SUGCT: variants seen among roughly 807,000 people sequenced by gnomAD.
The protein encoded by SUGCT is succinyl-CoA:glutarate CoA-transferase.
A neutral mutation model predicts 55.0 loss-of-function variants in SUGCT; 41 were observed. The observed-to-expected ratio is 0.74, with a 90% CI of 0.58 to 0.97. The LOEUF is 0.97. SUGCT is among the 50% of genes least tolerant of loss of function. The pLI, the probability that SUGCT is intolerant of heterozygous loss-of-function variation, is 0.00. For synonymous variants in SUGCT, 187 were observed against 200.4 expected, an observed-to-expected ratio of 0.93 and a Z score of 0.56; for missense variants, 568 against 547.8, an observed-to-expected ratio of 1.04 and a Z score of -0.37.
intron 12 of SUGCT, among the ~76,000 whole-genome samples, chr7:40,724,117 CTAAAT>C (rs895395059): frequency 5.9e-5 from 9 of 152,258 alleles, no homozygotes; most frequent in African/African-American, 2.2e-4. Context: ...GGACTTAACT[CTAAAT>C]TAAGGCAAAA....
At chr7:40,439,084 A>ATGG (rs1436031585) in intron 9 of SUGCT, among the ~76,000 whole-genome samples, 1 of 119,614 alleles carries the variant, frequency 8.4e-6, no homozygotes, top group African/African-American at 3.8e-5. Context: ...ATATATATAT[A>ATGG]TATATATATA....
intron 12 of SUGCT, among the ~76,000 whole-genome samples, chr7:40,698,347 C>T (rs915629312): frequency 1.3e-5 from 2 of 152,182 alleles, no homozygotes; most frequent in South Asian, 2.1e-4. Flanking sequence ...CTCAAAAAGA[C>T]GGAGGCTGCT....
At chr7:40,449,955 G>T (rs1045706895) in intron 10 of SUGCT, among the ~76,000 whole-genome samples, 6 of 152,080 alleles carry the variant, frequency 3.9e-5, no homozygotes, top group Admixed American at 3.9e-4. Flanking sequence ...TTTATTCTTA[G>T]GGATATTCTA....
the SUGCT span, among the ~76,000 whole-genome samples, chr7:40,891,925 T>C: frequency 6.6e-6 from 1 of 152,022 alleles, no homozygotes; most frequent in Non-Finnish European, 1.5e-5. Flanking sequence ...GGAGAATCAC[T>C]TGAACCCAGG....
At chr7:40,667,404 T>A (rs1189306230) in intron 12 of SUGCT, among the ~76,000 whole-genome samples, 1 of 152,102 alleles carries the variant, frequency 6.6e-6, no homozygotes, top group Admixed American at 6.6e-5. Flanking sequence ...GCCTGTAGTT[T>A]TCTTTGTCTG....
chr7:41,026,877 C>G, the SUGCT span, among the ~76,000 whole-genome samples: 1 of 152,010 alleles, frequency 6.6e-6, no homozygotes, highest in Non-Finnish European at 1.5e-5. Context: ...ACTAAAAATA[C>G]AAAAATTAAC....
At chr7:40,172,209 C>G (rs1267416397) in intron 1 of SUGCT, among the ~76,000 whole-genome samples, 1 of 151,998 alleles carries the variant, frequency 6.6e-6, no homozygotes, top group African/African-American at 2.4e-5. Context: ...GCCAAGGAGC[C>G]GAGGCTTGGA....
At chr7:40,388,856 A>G (rs1785257611) in intron 9 of SUGCT, among the ~76,000 whole-genome samples, 1 of 152,212 alleles carries the variant, frequency 6.6e-6, no homozygotes, top group Admixed American at 6.5e-5. Flanking sequence ...TAATTTAGAT[A>G]TAAGGGATCT....
chr7:40,224,783 T>A (rs1302108912), intron 6 of SUGCT, among the ~76,000 whole-genome samples: 2 of 152,218 alleles, frequency 1.3e-5, no homozygotes, highest in East Asian at 3.8e-4. Flanking sequence ...GCTATTCAGA[T>A]CAGACCGGAC....
chr7:40,253,169 A>T (rs901505951), intron 7 of SUGCT, among the ~76,000 whole-genome samples: 2 of 152,212 alleles, frequency 1.3e-5, no homozygotes, highest in African/African-American at 4.8e-5. Flanking sequence ...CATCTGTGAA[A>T]TGGGGATAAC....
chr7:40,361,102 A>AG, intron 9 of SUGCT, among the ~76,000 whole-genome samples: 1 of 152,182 alleles, frequency 6.6e-6, no homozygotes, highest in East Asian at 1.9e-4. Flanking sequence ...GAAAGATGAG[A>AG]GGAGGAGTAG....
chr7:40,719,021 G>A (rs1732027261), intron 12 of SUGCT, among the ~76,000 whole-genome samples: 1 of 152,172 alleles, frequency 6.6e-6, no homozygotes, highest in South Asian at 2.1e-4. Context: ...ATTTCATCAT[G>A]TTATTCTATG....
chr7:40,843,662 A>T (rs1793401405), intron 13 of SUGCT, among the ~76,000 whole-genome samples: 1 of 152,116 alleles, frequency 6.6e-6, no homozygotes, highest in Non-Finnish European at 1.5e-5. Flanking sequence ...ATGCTTGGTG[A>T]ACAGCAAGGA....
chr7:40,449,201 C>A, intron 9 of SUGCT, 86 bp from the exon 10 acceptor site: 2 of 843,826 alleles, frequency 2.4e-6, no homozygotes, highest in Non-Finnish European at 3.8e-6. Flanking sequence ...TTAGAACAAG[C>A]TTTCTATATA....
chr7:40,442,744 T>C (rs150088718), intron 9 of SUGCT, among the ~76,000 whole-genome samples: 1 of 152,254 alleles, frequency 6.6e-6, no homozygotes, highest in Non-Finnish European at 1.5e-5. Context: ...AAATTATACT[T>C]TAAGTTCCAG....
At chr7:40,135,512 A>G (rs1160051072) in intron 1 of SUGCT, among the ~76,000 whole-genome samples, 1 of 152,292 alleles carries the variant, frequency 6.6e-6, no homozygotes, top group Non-Finnish European at 1.5e-5. Context: ...TTCATGTACA[A>G]TAAAAGATGC....
chr7:40,258,952 T>C lies in SUGCT; in HGVS notation c.577-15561T>C, dbSNP rs559697448. ...AATAAATGGATAAAGAAACATGGTA[T>C]ATATACGTAATGGAATACTATTCAG... On this transcript the variant is annotated intron_variant, in intron 7 of 13. Transcript: ENST00000335693. Among the ~76,000 whole-genome samples, 55 of 152,318 alleles carry C rather than the reference T, an allele frequency of 3.6e-4. No homozygotes were observed. In the South Asian group the frequency reaches 0.01, roughly 29 times the overall value.
At chr7:40,479,474 C>T (rs1324096029) in intron 11 of SUGCT, among the ~76,000 whole-genome samples, 1 of 152,074 alleles carries the variant, frequency 6.6e-6, no homozygotes, top group African/African-American at 2.4e-5. Flanking sequence ...TAAGTACACT[C>T]CATGTACGTG....
chr7:40,261,125 A>T (rs533822705), intron 7 of SUGCT, among the ~76,000 whole-genome samples: 1 of 152,292 alleles, frequency 6.6e-6, no homozygotes, highest in South Asian at 2.1e-4. Context: ...GTCTATAGGG[A>T]CTGGACTTTT....
Sources: allele counts gnomAD v4.1 joint callset (sites outside exome capture counted in the v4.1 genomes callset), GRCh38; gene constraint gnomAD v4.1.1; transcripts MANE v1.5; gene names NCBI Gene and HGNC (gene_info 2026-07-23, HGNC 2026-07-21).